The following OR4C11 variants were observed in gnomAD, a reference collection of about 807,000 sequenced individuals.
The protein encoded by OR4C11 is olfactory receptor family 4 subfamily C member 11, also known as olfactory receptor 4C11.
OR4C11 carries 15 observed loss-of-function variants against 14.7 expected under a neutral mutation model. The ratio of observed to expected loss-of-function variants is 1.02; its 90% CI spans 0.68 to 1.58. The LOEUF is 1.58. OR4C11 is among the 40% of genes most tolerant of loss of function. The pLI is 0.00. For missense variants in OR4C11, 473 were observed against 383.0 expected, an observed-to-expected ratio of 1.24 and a Z score of -1.96; for synonymous variants, 146 against 135.0, an observed-to-expected ratio of 1.08 and a Z score of -0.57.
Position 55,604,295 on chromosome 11 carries a change from CA to C in OR4C11, c.78del (p.Phe26LeufsTer2). 2 of 1,425,396 alleles carry C rather than the reference CA, an allele frequency of 1.4e-6. 1 individual carries two copies. Among genetic ancestry groups the C allele is most frequent in the Non-Finnish European group, 1.9e-6 (2 of 1,040,822 alleles). The allele number at this position is 1,425,396 out of a possible 1,614,324, so 88.3% of individuals were successfully genotyped here. On this transcript the variant is annotated frameshift_variant, in exon 4 of 4. Coordinates refer to ENST00000641580, the MANE Select transcript of OR4C11 (RefSeq NM_001004700.3). LOFTEE classifies it high-confidence loss of function. ...TQDPLRQKIV[F>X]VIFLIFYMGT... ...CCCATATAGAAAATTAAGAAGATTACAAACACTATTTTCTGCCTCAAGGGAT... is the reference window on the plus strand; with the variant it reads ...CCCATATAGAAAATTAAGAAGATTACAACACTATTTTCTGCCTCAAGGGAT...
Position 55,603,588 on chromosome 11 carries a change from A to G in OR4C11, c.786T>C (p.Thr262=), listed in dbSNP as rs1857913826. 1 of 1,482,178 alleles carries G rather than the reference A, an allele frequency of 6.7e-7. No individual in the cohort carries two copies. The highest frequency in any genetic ancestry group is 9.2e-7 in the Non-Finnish European group (1 of 1,088,156). The allele number at this position is 1,482,178 out of a possible 1,614,324, so 91.8% of individuals were successfully genotyped here. A position where few individuals can be genotyped will look rare whatever the true frequency, so the allele number is the denominator to read the frequency against. ...CIFIYTRPPT[T]FPMDKMVAVF... ...CTGCCACCATCTTGTCCATGGGGAA[A>G]GTGGTCGGGGGGCGTGTATATATGA... Residue 262 remains threonine (T), a synonymous_variant, in exon 4 of 4, where the codon ACT becomes ACC. Transcript: ENST00000641580.
In OR4C11 at chr11:55,606,555, G is replaced by A. The variant is rs1223631812; in HGVS notation, c.-240C>T. 2.9e-5 allele frequency: 4 copies of A among 138,156 alleles called. 1 individual carries two copies. Among genetic ancestry groups the A allele is most frequent in the Non-Finnish European group, 6.4e-5 (4 of 62,112 alleles). The allele number at this position is 138,156 out of a possible 1,614,324, so 8.6% of individuals were successfully genotyped here. ...ATGGGTTGTTATTCACCTTGTGATG[G>A]CATATCCCTGAGCCATCACAACTGT... On this transcript the variant is annotated 5_prime_UTR_variant, in exon 2 of 4. Coordinates refer to ENST00000641580, the MANE Select transcript of OR4C11 (RefSeq NM_001004700.3).
At position 55,602,686 on chromosome 11, in the gene OR4C11, C is replaced by T. The variant is rs1449538543; in HGVS notation, c.*755G>A. The T allele has an allele frequency of 7.2e-6, 1 of 138,476 alleles. No individual in the cohort carries two copies. Among genetic ancestry groups the T allele is most frequent in the Non-Finnish European group, 1.6e-5 (1 of 62,200 alleles). 8.6% of individuals were successfully genotyped at this position (138,476 alleles called of 1,614,324 possible). ...CCAACTTTAAACACAATAGATCATA[C>T]CATTTTTGGTTTCAACCATGTTCTA... On this transcript the variant is annotated 3_prime_UTR_variant, in exon 4 of 4. Transcript: ENST00000641580.
Position 55,604,258 on chromosome 11 carries a change from C to G in OR4C11, c.116G>C (p.Gly39Ala). Residue 39 changes from glycine to alanine, a missense_variant, in exon 4 of 4, where the codon GGG (glycine) becomes GCG (alanine). Transcript: ENST00000641580. ...FLIFYMGTVV[G>A]NMLIIVTIKS... Reference sequence around the variant, plus strand: ...GATGGTCACAATAATGAGCATATTCCCCACCACAGTTCCCATATAGAAAAT... The same window carrying G: ...GATGGTCACAATAATGAGCATATTCGCCACCACAGTTCCCATATAGAAAAT... 6.9e-7 allele frequency: 1 copy of G among 1,448,986 alleles called. No homozygotes were observed. Among genetic ancestry groups the G allele is most frequent in the Non-Finnish European group, 9.4e-7 (1 of 1,058,588 alleles). 89.8% of individuals were successfully genotyped at this position (1,448,986 alleles called of 1,614,324 possible).
Position 55,603,179 on chromosome 11 carries a change from T to C in OR4C11, c.*262A>G. Reference sequence around the variant, plus strand: ...TCAGGCTTACACTTTAGAAAATGCATGGCTGGAAAGGAAGATAATCTGAAA... The same window carrying C: ...TCAGGCTTACACTTTAGAAAATGCACGGCTGGAAAGGAAGATAATCTGAAA... On this transcript the variant is annotated 3_prime_UTR_variant, in exon 4 of 4. Coordinates refer to ENST00000641580, the MANE Select transcript of OR4C11 (RefSeq NM_001004700.3). 6.9e-6 allele frequency: 2 copies of C among 291,224 alleles called. No individual in the cohort carries two copies. Among genetic ancestry groups the C allele is most frequent in the East Asian group, 7.5e-5 (1 of 13,324 alleles). 18.0% of individuals were successfully genotyped at this position (291,224 alleles called of 1,614,324 possible).
Position 55,604,472 on chromosome 11 carries a change from T to C in OR4C11, c.-44-55A>G. On this transcript the variant is annotated intron_variant, in intron 3 of 3. Transcript: ENST00000641580. ...AATTTAGAGGTCAAATACATATTCT[T>C]GCAATGAAATTGCAACTTTCCAATG... 4.0e-6 allele frequency: 2 copies of C among 504,138 alleles called. 1 individual carries two copies. Among genetic ancestry groups the C allele is most frequent in the South Asian group, 8.1e-5 (2 of 24,810 alleles). 31.2% of individuals were successfully genotyped at this position (504,138 alleles called of 1,614,324 possible). A position where few individuals can be genotyped will look rare whatever the true frequency, so the allele number is the denominator to read the frequency against.
chr11:55,603,746 T>A lies in OR4C11; in HGVS notation c.628A>T (p.Met210Leu). 2 of 1,491,188 alleles carry A rather than the reference T, an allele frequency of 1.3e-6. No individual in the cohort carries two copies. Among genetic ancestry groups the A allele is most frequent in the Non-Finnish European group, 1.8e-6 (2 of 1,096,202 alleles). 92.4% of individuals were successfully genotyped at this position (1,491,188 alleles called of 1,614,324 possible). A position where few individuals can be genotyped will look rare whatever the true frequency, so the allele number is the denominator to read the frequency against. Residue 210 changes from methionine to leucine, a missense_variant, in exon 4 of 4, where the codon ATG becomes TTG. Physicochemically the swap from Met to Leu is conservative, Grantham distance 15. Coordinates refer to ENST00000641580, the MANE Select transcript of OR4C11 (RefSeq NM_001004700.3). ...NSGAICSSSF[M>L]ILIISYIVIL... The stretch of plus-strand genomic sequence containing the variant: ...ACAATATATGAAATTATCAAAATCA[T>A]GAAACTACTTGAGCAAATTGCCCCA...
chr11:55,604,488 C>T lies in OR4C11; in HGVS notation c.-44-71G>A, dbSNP rs561455488. On this transcript the variant is annotated intron_variant, in intron 3 of 3. Coordinates refer to ENST00000641580, the MANE Select transcript of OR4C11 (RefSeq NM_001004700.3). ...ACATATTCTTGCAATGAAATTGCAA[C>T]TTTCCAATGGCTTATTATTGACAAT... 2.2e-5 allele frequency: 10 copies of T among 461,720 alleles called. 2 individuals are homozygous for T. The East Asian group carries it at 3.0e-4, about 14-fold the overall frequency. The allele number at this position is 461,720 out of a possible 1,614,324, so 28.6% of individuals were successfully genotyped here. A position where few individuals can be genotyped will look rare whatever the true frequency, so the allele number is the denominator to read the frequency against.
Position 55,606,867 on chromosome 11 carries a change from T to C in OR4C11, c.-364-188A>G, listed in dbSNP as rs756915437. 1.6e-4 allele frequency among the ~76,000 whole-genome samples: 22 copies of C among 138,556 alleles called. 3 individuals carry two copies. The highest frequency in any genetic ancestry group is 1.3e-4 in the Non-Finnish European group (8 of 62,238). The allele number at this position is 138,556 out of a possible 152,430, so 90.9% of individuals were successfully genotyped here. On this transcript the variant is annotated intron_variant, in intron 1 of 3. Transcript: ENST00000641580. The stretch of plus-strand genomic sequence containing the variant: ...ATAGACATGAATAAGCAGGAATAAA[T>C]AGATACAAATAGACATCATTACACA...
intron 1 of OR4C11, 113 bp downstream of exon 1, chr11:55,607,174 A>G (rs749284023): frequency 3.6e-5 from 5 of 138,006 alleles, no homozygotes; most frequent in Non-Finnish European, 8.1e-5. Flanking sequence ...CTGTTTGTTT[A>G]TTATTTATTT....
chr11:55,603,619 C>T lies in OR4C11; in HGVS notation c.755G>A (p.Cys252Tyr), dbSNP rs751702749. The change falls in exon 4 of 4, where the codon TGT (cysteine) becomes TAT (tyrosine). Residue 252 changes from cysteine (C) to tyrosine (Y), a missense_variant. By Grantham distance (194) the Cys-to-Tyr change is radical (BLOSUM62 -2). Coordinates refer to ENST00000641580, the MANE Select transcript of OR4C11 (RefSeq NM_001004700.3). ...CGGGGGGCGTGTATATATGAATATA[C>T]ATGGGCCAAAGAATAAGATGACTAC... The part of the protein sequence containing the change: ...IIVVILFFGP[C>Y]IFIYTRPPTT... The T allele has an allele frequency of 4.0e-6, 6 of 1,487,460 alleles. 1 individual carries two copies. In the South Asian group the frequency reaches 7.1e-5, roughly 18 times the overall value. The allele number at this position is 1,487,460 out of a possible 1,614,324, so 92.1% of individuals were successfully genotyped here.
rs1857893952 is a variant in OR4C11 at position 55,602,382 on chromosome 11, G to A, written c.*1059C>T. 7.3e-6 allele frequency: 1 copy of A among 137,422 alleles called. No homozygotes were observed. The highest frequency in any genetic ancestry group is 2.4e-4 in the South Asian group (1 of 4,248). The allele number at this position is 137,422 out of a possible 1,614,324, so 8.5% of individuals were successfully genotyped here. On this transcript the variant is annotated 3_prime_UTR_variant, in exon 4 of 4. Transcript: ENST00000641580. ...ATCTGTCAACAGTTATTAAAGATGT[G>A]GTACACTTATTACACTGAAACAGAT...
Position 55,603,807 on chromosome 11 carries a change from G to A in OR4C11, c.567C>T (p.Asp189=), listed in dbSNP as rs1857918778. The A allele has an allele frequency of 6.7e-7, 1 of 1,487,944 alleles. No homozygotes were observed. Among genetic ancestry groups the A allele is most frequent in the African/African-American group, 1.4e-5 (1 of 72,798 alleles). The allele number at this position is 1,487,944 out of a possible 1,614,324, so 92.2% of individuals were successfully genotyped here. A position where few individuals can be genotyped will look rare whatever the true frequency, so the allele number is the denominator to read the frequency against. ...CCAACAGCAGGTTGATCATGTAAGT[G>A]TCCATGCAGGCAAGTTTCAACAAGG... ...LQPLLKLACM[D]TYMINLLLVS... is the part of the protein sequence containing the mutation. Residue 189 remains aspartate (D), a synonymous_variant, in exon 4 of 4, where the codon GAC becomes GAT. Transcript: ENST00000641580.
Position 55,604,385 on chromosome 11 carries a change from A to T in OR4C11, c.-12T>A. 1 of 1,145,860 alleles carries T rather than the reference A, an allele frequency of 8.7e-7. No homozygotes were observed. Among genetic ancestry groups the T allele is most frequent in the Non-Finnish European group, 1.2e-6 (1 of 825,712 alleles). The allele number at this position is 1,145,860 out of a possible 1,614,324, so 71.0% of individuals were successfully genotyped here. A position where few individuals can be genotyped will look rare whatever the true frequency, so the allele number is the denominator to read the frequency against. On this transcript the variant is annotated 5_prime_UTR_variant, in exon 4 of 4. Coordinates refer to ENST00000641580, the MANE Select transcript of OR4C11 (RefSeq NM_001004700.3). ...TTATTTTGCTGCATTGTTTCAGTTGATGTGAAGAAACCACAGATTAGAACT... is the reference window on the plus strand; with the variant it reads ...TTATTTTGCTGCATTGTTTCAGTTGTTGTGAAGAAACCACAGATTAGAACT...
Position 55,605,366 on chromosome 11 carries a change from C to T in OR4C11, c.-206-79G>A, listed in dbSNP as rs1418252295. 1.5e-5 allele frequency: 2 copies of T among 136,786 alleles called. 1 individual carries two copies. Among genetic ancestry groups the T allele is most frequent in the Non-Finnish European group, 3.2e-5 (2 of 62,228 alleles). 8.5% of individuals were successfully genotyped at this position (136,786 alleles called of 1,614,324 possible). A position where few individuals can be genotyped will look rare whatever the true frequency, so the allele number is the denominator to read the frequency against. ...TTCAAATTTCAGGTTTGCAGGTAAG[C>T]ATCAGTGATTTAGAAAATGAGATCT... On this transcript the variant is annotated intron_variant, in intron 2 of 3. Transcript: ENST00000641580.
At chr11:55,604,970 A>T (rs910537941) in intron 3 of OR4C11, among the ~76,000 whole-genome samples, 156 bp downstream of exon 3, 6 of 138,228 alleles carry the variant, frequency 4.3e-5, no homozygotes, top group Non-Finnish European at 8.1e-5. Flanking sequence ...TAAAATTTAC[A>T]TGTATGTGGG....
rs756033969 is a variant in OR4C11, at chr11:55,607,110, C to T, written c.-365+177G>A. Among the ~76,000 whole-genome samples the T allele has an allele frequency of 1.2e-4, 16 of 138,048 alleles. 3 individuals carry two copies. Among genetic ancestry groups the T allele is most frequent in the Admixed American group, 6.3e-4 (8 of 12,662 alleles). 90.6% of individuals were successfully genotyped at this position (138,048 alleles called of 152,430 possible). ...AAGGAAGCCAGCATCCTACCGTGGG[C>T]GACATCATCACCTTCATGGAGCACT... is the stretch of plus-strand genomic sequence containing the variant. On this transcript the variant is annotated intron_variant, in intron 1 of 3. Coordinates refer to ENST00000641580, the MANE Select transcript of OR4C11 (RefSeq NM_001004700.3).
At position 55,604,347 on chromosome 11, in the gene OR4C11, T is replaced by G; in HGVS notation, c.27A>C (p.Glu9Asp). The change falls in exon 4 of 4, where the codon GAA becomes GAC. Residue 9 changes from glutamate (E) to aspartate (D), a missense_variant. By Grantham distance (45) the Glu-to-Asp change is conservative (BLOSUM62 2). Coordinates refer to ENST00000641580, the MANE Select transcript of OR4C11 (RefSeq NM_001004700.3). MQQNNSVP[E>D]FILLGLTQDP... ...CCTGTGTTAATCCTAACAGTATGAATTCAGGCACACTGTTATTTTGCTGCA... is the reference window on the plus strand; with the variant it reads ...CCTGTGTTAATCCTAACAGTATGAAGTCAGGCACACTGTTATTTTGCTGCA... 7.3e-7 allele frequency: 1 copy of G among 1,369,866 alleles called. No homozygotes were observed. Among genetic ancestry groups the G allele is most frequent in the Non-Finnish European group, 9.9e-7 (1 of 1,009,906 alleles). 84.9% of individuals were successfully genotyped at this position (1,369,866 alleles called of 1,614,324 possible).
At position 55,606,027 on chromosome 11, in the gene OR4C11, A is replaced by G. The variant is rs1446233507; in HGVS notation, c.-207+495T>C. ...TATTGATCCAGTTATTCCGTTTCCT[A>G]TAGACGCACTCATTCACAGAAACAA... On this transcript the variant is annotated intron_variant, in intron 2 of 3. Transcript: ENST00000641580. Among the ~76,000 whole-genome samples, 2 of 138,326 alleles carry G rather than the reference A, an allele frequency of 1.4e-5. 1 individual carries two copies. Among genetic ancestry groups the G allele is most frequent in the Admixed American group, 1.6e-4 (2 of 12,688 alleles). 90.7% of individuals were successfully genotyped at this position (138,326 alleles called of 152,430 possible).
Sources: gnomAD v4.1 joint callset for allele counts (sites outside exome capture counted in the v4.1 genomes callset) on GRCh38, gnomAD v4.1.1 for gene constraint, MANE v1.5 for transcripts, NCBI Gene and HGNC (gene_info 2026-07-23, HGNC 2026-07-21) for gene names.